The following DDX56 variants were observed in gnomAD, a reference collection of about 807,000 sequenced individuals.
The protein encoded by DDX56 is DEAD-box helicase 56, also known as probable ATP-dependent RNA helicase DDX56.
In DDX56, 45 loss-of-function variants were observed where a neutral mutation model predicts 61.5. That is an observed-to-expected ratio of 0.73 (90% CI 0.58 to 0.94). The LOEUF is 0.94. DDX56 is among the 40% of genes least tolerant of loss of function. The probability of loss-of-function intolerance (pLI) is 0.00; values close to 1 mark genes in which losing one functional copy is unlikely to be tolerated. For synonymous variants in DDX56, 273 were observed against 268.3 expected (o/e 1.02, Z -0.17); for missense variants, 708 against 690.7 (o/e 1.02, Z -0.28).
intron 2 of DDX56, 49 bp downstream of exon 2, chr7:44,573,534 G>C: frequency 6.3e-7 from 1 of 1,597,520 alleles, no homozygotes; most frequent in Non-Finnish European, 8.6e-7. Context: ...GCCCTTCCCA[G>C]GCTTTTGGAG....
Position 44,565,926 on chromosome 7 carries a change from C to G in DDX56, c.*76G>C. 6 of 1,194,124 alleles carry G rather than the reference C, an allele frequency of 5.0e-6. No homozygotes were observed. Among genetic ancestry groups the G allele is most frequent in the Non-Finnish European group, 7.4e-6 (6 of 813,132 alleles). 74.0% of individuals were successfully genotyped at this position (1,194,124 alleles called of 1,614,324 possible). On this transcript the variant is annotated 3_prime_UTR_variant, in exon 14 of 14. Coordinates refer to ENST00000258772, the MANE Select transcript of DDX56 (RefSeq NM_019082.4). Reference sequence around the variant, plus strand: ...GTCTGTTCAGGCTGTGCAGTAAGCACCAGAGCCTCGCCTGTCCACGAAGGG... The same window carrying G: ...GTCTGTTCAGGCTGTGCAGTAAGCAGCAGAGCCTCGCCTGTCCACGAAGGG...
intron 9 of DDX56, 140 bp from the exon 10 acceptor site, chr7:44,569,343 G>A (rs1300802506): frequency 4.0e-6 from 3 of 750,504 alleles, no homozygotes; most frequent in Non-Finnish European, 6.5e-6. Context: ...ATGCAGGTTA[G>A]CTGCACCTGG....
chr7:44,571,861 C>T (rs1036330484), intron 5 of DDX56, 125 bp from the exon 6 acceptor site: 12 of 1,249,722 alleles, frequency 9.6e-6, no homozygotes, highest in African/African-American at 1.5e-5. Flanking sequence ...ATTCCTGGCA[C>T]CCTAACTCTC....
intron 9 of DDX56, 30 bp from the exon 10 acceptor site, chr7:44,569,233 C>T (rs774370757): frequency 2.5e-6 from 4 of 1,602,380 alleles, no homozygotes; most frequent in South Asian, 1.1e-5. Flanking sequence ...GAGGGTCCCA[C>T]AGGCTGAGGC....
intron 5 of DDX56, 96 bp downstream of exon 5, chr7:44,572,251 C>T (rs1802694296): frequency 9.6e-7 from 1 of 1,036,608 alleles, no homozygotes; most frequent in Admixed American, 2.0e-5. Flanking sequence ...GACAACTGTC[C>T]CACCCAAAAC....
At chr7:44,568,333 G>A (rs1166493612) in intron 11 of DDX56, 110 bp from the exon 12 acceptor site, 2 of 761,356 alleles carry the variant, frequency 2.6e-6, no homozygotes, top group East Asian at 2.7e-5. Context: ...GCATGAGGCA[G>A]CTGCTTCTGT....
intron 9 of DDX56, 109 bp from the exon 10 acceptor site, chr7:44,569,312 C>A: frequency 9.8e-6 from 10 of 1,020,526 alleles, no homozygotes; most frequent in Non-Finnish European, 1.4e-5. Context: ...GGGGACCCAC[C>A]GCCTTCCTGG....
At chr7:44,569,346 G>C (rs1802617187) in intron 9 of DDX56, 143 bp from the exon 10 acceptor site, 1 of 738,976 alleles carries the variant, frequency 1.4e-6, no homozygotes, top group Non-Finnish European at 2.2e-6. Context: ...CAGGTTAGCT[G>C]CACCTGGGCC....
Position 44,566,371 on chromosome 7 carries a change from G to A in DDX56, c.1566+77C>T, listed in dbSNP as rs761636332. On this transcript the variant is annotated intron_variant, in intron 13 of 13. Transcript: ENST00000258772. ...TCTCTTCCCCTCCCTAGGGCAAGGCGCCTCCACATTCTGGTGATGACAAAA... is the reference window on the plus strand; with the variant it reads ...TCTCTTCCCCTCCCTAGGGCAAGGCACCTCCACATTCTGGTGATGACAAAA... The A allele has an allele frequency of 4.6e-4, 602 of 1,301,382 alleles. 1 individual carries two copies. Among genetic ancestry groups the A allele is most frequent in the Non-Finnish European group, 5.8e-4 (531 of 920,788 alleles). 80.6% of individuals were successfully genotyped at this position (1,301,382 alleles called of 1,614,324 possible).
chr7:44,570,674 T>C, intron 7 of DDX56, 84 bp downstream of exon 7: 1 of 1,520,200 alleles, frequency 6.6e-7, no homozygotes. Flanking sequence ...GGCTCCCTGC[T>C]CTGTGCACTC....
chr7:44,568,913 T>A lies in DDX56; in HGVS notation c.1373A>T (p.Glu458Val). ...KEIKEELLHS[E>V]KLKTYFEDNP... is the part of the protein sequence containing the mutation. ...CTCCCATCCACTCACCTTAAGCTTC[T>A]CAGAATGCAGAAGCTCTTCCTTGAT... Residue 458 changes from glutamate to valine, a missense_variant, in exon 11 of 14, where the codon GAG (glutamate) becomes GTG (valine). Physicochemically the swap from Glu to Val is moderately radical, Grantham distance 121. Transcript: ENST00000258772. 6.2e-7 allele frequency: 1 copy of A among 1,613,962 alleles called. No individual in the cohort carries two copies.
intron 12 of DDX56, 60 bp downstream of exon 12, chr7:44,568,058 T>G: frequency 1.3e-5 from 18 of 1,341,474 alleles, no homozygotes; most frequent in East Asian, 2.3e-5. Flanking sequence ...GACCCAGCAG[T>G]GGAGAAATTA....
At chr7:44,572,284 A>G in intron 5 of DDX56, 63 bp downstream of exon 5, 1 of 1,361,016 alleles carries the variant, frequency 7.3e-7, no homozygotes, top group South Asian at 1.2e-5. Context: ...CCTAAGAAGG[A>G]GCATCAAGAT....
At chr7:44,566,318 G>GC in intron 13 of DDX56, 130 bp downstream of exon 13, 1 of 906,066 alleles carries the variant, frequency 1.1e-6, no homozygotes, top group African/African-American at 1.7e-5. Flanking sequence ...GTTCTAGGGT[G>GC]CCCCCTCTTC....
At chr7:44,571,842 C>T (rs1457346248) in intron 5 of DDX56, 106 bp from the exon 6 acceptor site, 1 of 1,440,286 alleles carries the variant, frequency 6.9e-7, no homozygotes, top group African/African-American at 1.4e-5. Flanking sequence ...GGCAGAGATG[C>T]ATTTAAGGAT....
At chr7:44,572,240 T>G (rs972279384) in intron 5 of DDX56, 107 bp downstream of exon 5, 3 of 889,546 alleles carry the variant, frequency 3.4e-6, no homozygotes, top group African/African-American at 3.3e-5. Flanking sequence ...AGACACTAAG[T>G]GACAACTGTC....
chr7:44,573,799 A>C, intron 1 of DDX56, 37 bp downstream of exon 1: 1 of 1,613,414 alleles, frequency 6.2e-7, no homozygotes. Context: ...CGCGCCCCGC[A>C]GAGCCCGTAA....
At chr7:44,567,299 A>G (rs1802566034) in intron 12 of DDX56, among the ~76,000 whole-genome samples, 1 of 152,134 alleles carries the variant, frequency 6.6e-6, no homozygotes, top group Non-Finnish European at 1.5e-5. Context: ...CCTCCATAGC[A>G]GCAACACCAC....
At chr7:44,573,795 C>T (rs1802744945) in intron 1 of DDX56, 41 bp downstream of exon 1, 4 of 1,613,372 alleles carry the variant, frequency 2.5e-6, no homozygotes, top group Non-Finnish European at 3.4e-6. Context: ...ATGGCGCGCC[C>T]CGCAGAGCCC....
Sources: allele counts gnomAD v4.1 joint callset (sites outside exome capture counted in the v4.1 genomes callset), GRCh38; gene constraint gnomAD v4.1.1; transcripts MANE v1.5; gene names NCBI Gene and HGNC (gene_info 2026-07-23, HGNC 2026-07-21).